Variants in EPHA7 observed in about 807,000 individuals in gnomAD.
The protein encoded by EPHA7 is ephrin type-A receptor 7.
In EPHA7, 25 loss-of-function variants were observed where a neutral mutation model predicts 112.6. The observed-to-expected ratio is 0.22, with a 90% CI of 0.16 to 0.31. EPHA7 has a LOEUF of 0.31. Among genes scored for constraint, EPHA7 ranks in the 10% least tolerant of loss-of-function variants. EPHA7 has a pLI of 1.00. For missense variants in EPHA7, 962 were observed against 1,212.6 expected (o/e 0.79, Z 3.07); for synonymous variants, 437 against 406.5 (o/e 1.07, Z -0.90).
intron 3 of EPHA7, among the ~76,000 whole-genome samples, chr6:93,377,448 C>A: frequency 6.6e-6 from 1 of 151,496 alleles, no homozygotes. Context: ...AAGTTAGTTT[C>A]ATCCTTTAAA....
intron 5 of EPHA7, among the ~76,000 whole-genome samples, chr6:93,276,222 C>A (rs1294194277): frequency 6.6e-6 from 1 of 151,870 alleles, no homozygotes; most frequent in East Asian, 1.9e-4. Flanking sequence ...GTCATACGAG[C>A]CCTTAAGAGC....
At chr6:93,272,177 T>G in intron 6 of EPHA7, 121 bp downstream of exon 6, 1 of 1,087,888 alleles carries the variant, frequency 9.2e-7, no homozygotes, top group South Asian at 1.5e-5. Context: ...TGGCTAAAAT[T>G]AACTACGAAG....
chr6:93,240,747 T>A lies in EPHA7; in HGVS notation c.*2679A>T, dbSNP rs1198104037. 3.8e-5 allele frequency: 8 copies of A among 210,614 alleles called. No individual in the cohort carries two copies. Among genetic ancestry groups the A allele is most frequent in the East Asian group, 1.4e-4 (2 of 14,018 alleles). The allele number at this position is 210,614 out of a possible 1,614,324, so 13.0% of individuals were successfully genotyped here. A position where few individuals can be genotyped will look rare whatever the true frequency, so the allele number is the denominator to read the frequency against. The stretch of plus-strand genomic sequence containing the variant: ...TTCCTCCCCTGAGCACTAATTTATT[T>A]AAAAAAAAAGATTTCAAGGTGCAAG... On this transcript the variant is annotated 3_prime_UTR_variant, in exon 17 of 17. Transcript: ENST00000369303.
intron 3 of EPHA7, among the ~76,000 whole-genome samples, chr6:93,403,358 T>TAA (rs61376259): frequency 0.16 from 22,614 of 145,236 alleles, 1,995 homozygotes; most frequent in East Asian, 0.31. Flanking sequence ...GGCGGGTAGG[T>TAA]AAAAAAAAAA....
rs780993376 is a variant in EPHA7, at chr6:93,358,252, T to G, written c.988+4A>C. 18 of 1,601,104 alleles carry G rather than the reference T, an allele frequency of 1.1e-5. No homozygotes were observed. In the South Asian group the frequency reaches 1.8e-4, roughly 16 times the overall value. The stretch of plus-strand genomic sequence containing the variant: ...AAGTCCTTTACTTTCATAATACAAC[T>G]CACTTGTGCACGCAACGTATGGTGG... On this transcript the variant is annotated splice_donor_region_variant and intron_variant, in intron 4 of 16. Transcript: ENST00000369303.
At chr6:93,334,133 G>A (rs984405575) in intron 5 of EPHA7, among the ~76,000 whole-genome samples, 6 of 151,882 alleles carry the variant, frequency 4.0e-5, no homozygotes, top group African/African-American at 1.2e-4. Flanking sequence ...CCTTGACAAA[G>A]TCAACAAAAA....
At chr6:93,357,739 C>T (rs779235858) in intron 4 of EPHA7, among the ~76,000 whole-genome samples, 4 of 151,888 alleles carry the variant, frequency 2.6e-5, no homozygotes, top group Non-Finnish European at 4.4e-5. Context: ...CTGCAACCTC[C>T]GCCTCCCAGG....
rs535710062 is a variant in EPHA7 at position 93,265,931 on chromosome 6, T to G, written c.1634-1229A>C. On this transcript the variant is annotated intron_variant, in intron 7 of 16. Coordinates refer to ENST00000369303, the MANE Select transcript of EPHA7 (RefSeq NM_004440.4). ...CTCCTTTTGACAACTTATCTCTTAA[T>G]TTTGTATACCTATGCTAACAAGAGA... Among the ~76,000 whole-genome samples the G allele has an allele frequency of 3.3e-5, 5 of 151,788 alleles. No homozygotes were observed. In the East Asian group the frequency reaches 7.8e-4, roughly 24 times the overall value.
intron 5 of EPHA7, among the ~76,000 whole-genome samples, chr6:93,318,804 A>G (rs1773930218): frequency 6.6e-6 from 1 of 152,134 alleles, no homozygotes; most frequent in South Asian, 2.1e-4. Flanking sequence ...TCTCAATTTT[A>G]AAGTTACCTC....
intron 3 of EPHA7, among the ~76,000 whole-genome samples, chr6:93,371,375 A>T (rs1776788554): frequency 6.6e-6 from 1 of 152,158 alleles, no homozygotes; most frequent in Non-Finnish European, 1.5e-5. Context: ...AGTAATCTAG[A>T]GATTATTTAA....
At chr6:93,254,248 C>A (rs543978841) in intron 14 of EPHA7, among the ~76,000 whole-genome samples, 36 of 152,038 alleles carry the variant, frequency 2.4e-4, no homozygotes, top group African/African-American at 8.2e-4. Flanking sequence ...TCTTAGAACA[C>A]TAAAAGAAAA....
At chr6:93,298,543 T>C (rs1310666286) in intron 5 of EPHA7, among the ~76,000 whole-genome samples, 1 of 152,152 alleles carries the variant, frequency 6.6e-6, no homozygotes, top group East Asian at 1.9e-4. Context: ...ATTTGATGAA[T>C]AGTAGAGCAT....
chr6:93,405,822 T>C (rs1433788078), intron 3 of EPHA7, among the ~76,000 whole-genome samples: 1 of 56,948 alleles, frequency 1.8e-5, no homozygotes, highest in African/African-American at 9.8e-5. Context: ...TGTATATATA[T>C]ATATATATAT....
chr6:93,296,518 A>C (rs2127843791), intron 5 of EPHA7, among the ~76,000 whole-genome samples: 1 of 150,052 alleles, frequency 6.7e-6, no homozygotes, highest in East Asian at 1.9e-4. Flanking sequence ...CATTAAACAA[A>C]ACAAGGAGAT....
chr6:93,243,416 G>T lies in EPHA7; in HGVS notation c.*10C>A. ...AGTCTGTAATCTCCCTTAAAAGGGA[G>T]AAATGCATATCACACTTGAATGCCA... On this transcript the variant is annotated 3_prime_UTR_variant, in exon 17 of 17. Coordinates refer to ENST00000369303, the MANE Select transcript of EPHA7 (RefSeq NM_004440.4). The T allele has an allele frequency of 6.3e-7, 1 of 1,594,826 alleles. No individual in the cohort carries two copies. Among genetic ancestry groups the T allele is most frequent in the South Asian group, 1.1e-5 (1 of 90,704 alleles).
intron 5 of EPHA7, among the ~76,000 whole-genome samples, chr6:93,311,609 C>G (rs1450338111): frequency 6.6e-6 from 1 of 152,110 alleles, no homozygotes; most frequent in Non-Finnish European, 1.5e-5. Flanking sequence ...TCACCATCAT[C>G]CACAAGGGTT....
At chr6:93,338,683 C>T (rs1774993639) in intron 5 of EPHA7, among the ~76,000 whole-genome samples, 1 of 151,722 alleles carries the variant, frequency 6.6e-6, no homozygotes, top group Non-Finnish European at 1.5e-5. Flanking sequence ...AGGTGAGATA[C>T]AGAATATATC....
At chr6:93,278,271 A>G (rs1239911521) in intron 5 of EPHA7, among the ~76,000 whole-genome samples, 1 of 152,066 alleles carries the variant, frequency 6.6e-6, no homozygotes, top group Non-Finnish European at 1.5e-5. Context: ...AATCTCTGCT[A>G]AAGTACTGAC....
Position 93,258,320 on chromosome 6 carries a change from C to T in EPHA7, c.1925-36G>A, listed in dbSNP as rs1366693319. 2.7e-6 allele frequency: 4 copies of T among 1,499,336 alleles called. No homozygotes were observed. The South Asian group carries it at 4.2e-5, about 16-fold the overall frequency. 92.9% of individuals were successfully genotyped at this position (1,499,336 alleles called of 1,614,324 possible). A position where few individuals can be genotyped will look rare whatever the true frequency, so the allele number is the denominator to read the frequency against. The stretch of plus-strand genomic sequence containing the variant: ...AGAACAAGCAGGCATATTTTAGTTT[C>T]TAAATATTGTAATTTTCTTTTAAGA... On this transcript the variant is annotated intron_variant, in intron 10 of 16. Transcript: ENST00000369303.
Sources: gnomAD v4.1 joint callset for allele counts (sites outside exome capture counted in the v4.1 genomes callset) on GRCh38, gnomAD v4.1.1 for gene constraint, MANE v1.5 for transcripts, NCBI Gene and HGNC (gene_info 2026-07-23, HGNC 2026-07-21) for gene names.